LRRC8B: variants seen among roughly 807,000 people sequenced by gnomAD.
The protein encoded by LRRC8B is leucine rich repeat containing 8 VRAC subunit B.
In LRRC8B, 23 loss-of-function variants were observed where a neutral mutation model predicts 58.8. The observed-to-expected ratio is 0.39, with a 90% CI of 0.28 to 0.55. LRRC8B has a LOEUF of 0.55. LRRC8B is among the 20% of genes least tolerant of loss of function. The pLI is 0.62. For synonymous variants in LRRC8B, 359 were observed against 374.1 expected (o/e 0.96, Z 0.47); for missense variants, 694 against 936.0 (o/e 0.74, Z 3.37).
chr1:89,539,688 A>G (rs922015492), intron 1 of LRRC8B, among the ~76,000 whole-genome samples: 1 of 152,198 alleles, frequency 6.6e-6, no homozygotes, highest in African/African-American at 2.4e-5. Context: ...GCCAGCTGTA[A>G]TGTTCACCAG....
At chr1:89,527,177 A>G (rs1212992834) in intron 1 of LRRC8B, among the ~76,000 whole-genome samples, 4 of 152,240 alleles carry the variant, frequency 2.6e-5, no homozygotes, top group Non-Finnish European at 5.9e-5. Flanking sequence ...CTTATAAACA[A>G]GGGTTTTTGT....
At chr1:89,550,644 A>C (rs1358510932) in intron 1 of LRRC8B, among the ~76,000 whole-genome samples, 3 of 152,214 alleles carry the variant, frequency 2.0e-5, no homozygotes, top group African/African-American at 7.2e-5. Flanking sequence ...TTGGTCTTCC[A>C]CTGAATATTG....
intron 1 of LRRC8B, among the ~76,000 whole-genome samples, chr1:89,534,505 T>G (rs1243493147): frequency 2.1e-5 from 3 of 143,720 alleles, no homozygotes; most frequent in Admixed American, 6.8e-5. Flanking sequence ...TATCATGTCT[T>G]TTGTGACATA....
In LRRC8B at chr1:89,583,292, G is replaced by A; in HGVS notation, c.642G>A (p.Glu214=). The change falls in exon 5 of 6, where the codon GAG becomes GAA. Residue 214 remains glutamate (E), a synonymous_variant. Transcript: ENST00000330947. The surrounding 1 kb of genome is among the most constrained non-coding windows in gnomAD (Gnocchi z 5.2). ...TGCCCTACCCACAGCCAGGTTTGGA[G>A]TCAGCTGGCATAGAAAGCCCAACTT... ...QSLPYPQPGL[E]SAGIESPTSS... is the part of the protein sequence containing the mutation. The A allele has an allele frequency of 6.2e-7, 1 of 1,614,218 alleles. No homozygotes were observed. Among genetic ancestry groups the A allele is most frequent in the Non-Finnish European group, 8.5e-7 (1 of 1,180,040 alleles).
intron 5 of LRRC8B, among the ~76,000 whole-genome samples, chr1:89,587,474 A>G (rs1654705407): frequency 6.6e-6 from 1 of 152,194 alleles, no homozygotes; most frequent in Non-Finnish European, 1.5e-5. Flanking sequence ...ACAGAGGTGC[A>G]GTGAGCCAAG....
chr1:89,525,693 C>G (rs910631925), intron 1 of LRRC8B, among the ~76,000 whole-genome samples: 1 of 152,266 alleles, frequency 6.6e-6, no homozygotes, highest in Non-Finnish European at 1.5e-5. Flanking sequence ...AGTATTGGCT[C>G]ATTAATCTGT....
intron 1 of LRRC8B, among the ~76,000 whole-genome samples, chr1:89,562,566 T>C (rs1054607683): frequency 2.6e-5 from 4 of 152,036 alleles, no homozygotes; most frequent in African/African-American, 9.7e-5. Flanking sequence ...CTCGACCTCC[T>C]GAACTCAAGC....
At chr1:89,578,523 A>G (rs1047029362) in intron 3 of LRRC8B, among the ~76,000 whole-genome samples, 1 of 152,226 alleles carries the variant, frequency 6.6e-6, no homozygotes, top group Non-Finnish European at 1.5e-5. Context: ...CTGCAAAACA[A>G]TTTGATGCTG....
chr1:89,566,078 C>T (rs557369216), intron 1 of LRRC8B, among the ~76,000 whole-genome samples: 55 of 152,044 alleles, frequency 3.6e-4, no homozygotes, highest in Non-Finnish European at 3.7e-4. Flanking sequence ...TGAATCCATA[C>T]GTAGTAGCTG....
At chr1:89,582,214 A>G (rs572034795) in intron 4 of LRRC8B, among the ~76,000 whole-genome samples, 83 of 143,772 alleles carry the variant, frequency 5.8e-4, no homozygotes, top group African/African-American at 1.8e-3. Flanking sequence ...CCTGTCTCAA[A>G]AAAAAAAGGA....
intron 4 of LRRC8B, among the ~76,000 whole-genome samples, chr1:89,582,353 G>A (rs537839702): frequency 2.0e-5 from 3 of 152,264 alleles, no homozygotes; most frequent in South Asian, 4.2e-4. Context: ...AAGAGGTAAC[G>A]AGATAATTAC....
At chr1:89,578,892 A>C (rs1654037042) in intron 3 of LRRC8B, among the ~76,000 whole-genome samples, 1 of 152,202 alleles carries the variant, frequency 6.6e-6, no homozygotes, top group South Asian at 2.1e-4. Flanking sequence ...AATGTTACAA[A>C]TGGCTTTTAT....
chr1:89,592,678 G>A (rs1466943367), intron 5 of LRRC8B, 93 bp from the exon 6 acceptor site: 7 of 999,890 alleles, frequency 7.0e-6, no homozygotes, highest in Non-Finnish European at 1.0e-5. Flanking sequence ...CTCCAGAAAT[G>A]TTTTGTTTTT....
intron 5 of LRRC8B, among the ~76,000 whole-genome samples, chr1:89,591,988 T>G (rs1655007333): frequency 6.6e-6 from 1 of 152,140 alleles, no homozygotes; most frequent in Non-Finnish European, 1.5e-5. Flanking sequence ...CTCAACTTCT[T>G]CTCTGGAGGT....
At chr1:89,579,548 T>G (rs1386914312) in intron 3 of LRRC8B, 43 bp from the exon 4 acceptor site, 1 of 152,640 alleles carries the variant, frequency 6.6e-6, no homozygotes, top group Non-Finnish European at 1.5e-5. Flanking sequence ...TTTGTTTGTT[T>G]GAATGACTGT....
intron 5 of LRRC8B, among the ~76,000 whole-genome samples, chr1:89,589,175 A>T (rs1654819427): frequency 6.6e-6 from 1 of 152,082 alleles, no homozygotes; most frequent in African/African-American, 2.4e-5. Flanking sequence ...TTGGAGAAAA[A>T]CTTTACCAGC....
chr1:89,584,498 G>A lies in LRRC8B; in HGVS notation c.1848G>A (p.Arg616=). 1.2e-6 allele frequency: 2 copies of A among 1,614,124 alleles called. No homozygotes were observed. The highest frequency in any genetic ancestry group is 1.7e-6 in the Non-Finnish European group (2 of 1,180,024). ...ATAATTTGCATGAGTTAGACCTAAG[G>A]GAAAATAACCTTAAAACTGTGGAAG... The part of the protein sequence containing the change: ...SLNNLHELDL[R]ENNLKTVEEI... The change falls in exon 5 of 6, where the codon AGG becomes AGA. Residue 616 remains arginine, a synonymous_variant. Coordinates refer to ENST00000330947, the MANE Select transcript of LRRC8B (RefSeq NM_001369817.2).
At chr1:89,568,184 T>C (rs1386623327) in intron 1 of LRRC8B, 63 bp from the exon 2 acceptor site, 1 of 152,178 alleles carries the variant, frequency 6.6e-6, no homozygotes, top group East Asian at 1.9e-4. Context: ...TTGTGCCTTA[T>C]AAGCTACTGT....
rs114226505 is a variant in LRRC8B, at chr1:89,524,961, G to A, written c.-302G>A. 8,364 of 152,166 alleles carry A rather than the reference G, an allele frequency of 0.055. 274 individuals are homozygous for A. Among genetic ancestry groups the A allele is most frequent in the African/African-American group, 0.085 (3,521 of 41,530 alleles). The allele number at this position is 152,166 out of a possible 1,614,324, so 9.4% of individuals were successfully genotyped here. ...GCGGGCGCGGGGCCGCAGCCTGCCC[G>A]CCCGGAGCGGCCCAGGAGCACGCCG... On this transcript the variant is annotated 5_prime_UTR_variant, in exon 1 of 6. Coordinates refer to ENST00000330947, the MANE Select transcript of LRRC8B (RefSeq NM_001369817.2).
Sources: gnomAD v4.1 joint callset for allele counts (sites outside exome capture counted in the v4.1 genomes callset) on GRCh38, gnomAD v4.1.1 for gene constraint, Gnocchi (gnomAD v3.1) non-coding constraint, MANE v1.5 for transcripts, NCBI Gene and HGNC (gene_info 2026-07-23, HGNC 2026-07-21) for gene names.